DDX60L: variants seen among roughly 807,000 people sequenced by gnomAD.
DDX60L encodes the protein probable ATP-dependent RNA helicase DDX60-like.
A neutral mutation model predicts 211.6 loss-of-function variants in DDX60L; 191 were observed. That is an observed-to-expected ratio of 0.90 (90% CI 0.80 to 1.02). The LOEUF is 1.02. Among genes scored for constraint, DDX60L ranks in the 50% least tolerant of loss-of-function variants. The pLI is 0.00. For missense variants in DDX60L, 2,007 were observed against 1,984.1 expected, an observed-to-expected ratio of 1.01 and a Z score of -0.22; for synonymous variants, 706 against 694.1, an observed-to-expected ratio of 1.02 and a Z score of -0.27.
intron 29 of DDX60L, among the ~76,000 whole-genome samples, chr4:168,387,083 C>T (rs992151107): frequency 6.6e-6 from 1 of 152,138 alleles, no homozygotes; most frequent in Non-Finnish European, 1.5e-5. Context: ...ACCAGGAGGA[C>T]TGTTAAAGTA....
Position 168,361,218 on chromosome 4 carries a change from A to G in DDX60L, c.4929-7T>C, listed in dbSNP as rs780098420. On this transcript the variant is annotated splice_region_variant and splice_polypyrimidine_tract_variant and intron_variant, in intron 36 of 37. Transcript: ENST00000682922. ...AAGCTGTCCCATACGCATCCTAAAG[A>G]GAACAACATTTCTTAATTAAAAAGT... The G allele has an allele frequency of 5.8e-6, 9 of 1,558,508 alleles. No individual in the cohort carries two copies. Among genetic ancestry groups the G allele is most frequent in the South Asian group, 1.1e-5 (1 of 87,524 alleles).
intron 36 of DDX60L, among the ~76,000 whole-genome samples, chr4:168,362,368 T>C (rs1473568938): frequency 6.6e-6 from 1 of 152,130 alleles, no homozygotes; most frequent in Admixed American, 6.5e-5. Context: ...CCAGCCCACA[T>C]ATGCCTGCAC....
intron 8 of DDX60L, among the ~76,000 whole-genome samples, chr4:168,449,889 A>C (rs1755566805): frequency 6.6e-6 from 1 of 151,772 alleles, no homozygotes; most frequent in Non-Finnish European, 1.5e-5. Context: ...AAACGGTGAA[A>C]GAGATCTGAC....
At chr4:168,478,611 A>G (rs12506057) in intron 1 of DDX60L, among the ~76,000 whole-genome samples, 43,981 of 152,134 alleles carry the variant, frequency 0.29, 7,656 homozygotes, top group East Asian at 0.57. Flanking sequence ...TTCCACCCAC[A>G]TCAACATAGC....
chr4:168,371,274 C>G (rs1000974779), intron 36 of DDX60L, among the ~76,000 whole-genome samples: 4 of 149,930 alleles, frequency 2.7e-5, no homozygotes, highest in Non-Finnish European at 5.9e-5. Flanking sequence ...GTAATATATC[C>G]AAATTTTCTG....
chr4:168,443,362 A>T (rs1258479305), intron 9 of DDX60L, among the ~76,000 whole-genome samples: 2 of 152,072 alleles, frequency 1.3e-5, no homozygotes, highest in Non-Finnish European at 1.5e-5. Flanking sequence ...AGCCTCCAAG[A>T]TATATGGGAC....
Position 168,404,012 on chromosome 4 carries a change from T to C in DDX60L, c.3308A>G (p.Gln1103Arg). The C allele has an allele frequency of 6.7e-7, 1 of 1,494,968 alleles. No individual in the cohort carries two copies. Among genetic ancestry groups the C allele is most frequent in the Admixed American group, 2.0e-5 (1 of 48,932 alleles). The allele number at this position is 1,494,968 out of a possible 1,614,324, so 92.6% of individuals were successfully genotyped here. A position where few individuals can be genotyped will look rare whatever the true frequency, so the allele number is the denominator to read the frequency against. The change falls in exon 25 of 38, where the codon CAA (glutamine) becomes CGA (arginine). Residue 1103 changes from glutamine to arginine, a missense_variant. Gln to Arg is a conservative substitution (Grantham distance 43, BLOSUM62 1). Transcript: ENST00000682922. ...MFPLLVEKLRQMDKLPAIFFL... is the reference protein window; with the variant it reads ...MFPLLVEKLRRMDKLPAIFFL... ...AAATATTGCAGGCAACTTATCCATT[T>C]GTCTTAACTTTTCAACAAGAAGAGG...
chr4:168,441,434 A>C lies in DDX60L; in HGVS notation c.1197T>G (p.Val399=). The change falls in exon 10 of 38, where the codon GTT becomes GTG. Residue 399 remains valine (V), a synonymous_variant. Coordinates refer to ENST00000682922, the MANE Select transcript of DDX60L (RefSeq NM_001012967.3). ...TAAATTCTTTAACCAGGTGTGACAC[A>C]ACATTCCACAGGTCTTCATAATCCC... The part of the protein sequence containing the change: ...IRRDYEDLWN[V]VSHLVKEFNV... 2 of 1,613,220 alleles carry C rather than the reference A, an allele frequency of 1.2e-6. No individual in the cohort carries two copies. Among genetic ancestry groups the C allele is most frequent in the Non-Finnish European group, 1.7e-6 (2 of 1,179,564 alleles).
intron 10 of DDX60L, among the ~76,000 whole-genome samples, chr4:168,433,810 T>C (rs1752678745): frequency 6.6e-6 from 1 of 152,210 alleles, no homozygotes; most frequent in African/African-American, 2.4e-5. Context: ...AATTGTATCA[T>C]ATACAAATAT....
intron 33 of DDX60L, among the ~76,000 whole-genome samples, chr4:168,377,246 T>A (rs1396259634): frequency 1.3e-5 from 2 of 151,904 alleles, no homozygotes; most frequent in Non-Finnish European, 2.9e-5. Context: ...GAGCTGAGAT[T>A]GCGCCACTGC....
rs1343928523 is a variant in DDX60L, at chr4:168,357,712, A to C, written c.*435T>G. 6.3e-6 allele frequency: 1 copy of C among 159,178 alleles called. No individual in the cohort carries two copies. The highest frequency in any genetic ancestry group is 1.4e-5 in the Non-Finnish European group (1 of 72,846). 9.9% of individuals were successfully genotyped at this position (159,178 alleles called of 1,614,324 possible). A position where few individuals can be genotyped will look rare whatever the true frequency, so the allele number is the denominator to read the frequency against. On this transcript the variant is annotated 3_prime_UTR_variant, in exon 38 of 38. Coordinates refer to ENST00000682922, the MANE Select transcript of DDX60L (RefSeq NM_001012967.3). ...ATCTCAGAAGTCTTCTTACATAACTAAATTGTTGTTCAGAATTGATTTGGG... is the reference window on the plus strand; with the variant it reads ...ATCTCAGAAGTCTTCTTACATAACTCAATTGTTGTTCAGAATTGATTTGGG...
intron 1 of DDX60L, among the ~76,000 whole-genome samples, chr4:168,478,643 G>T (rs933621785): frequency 2.6e-5 from 4 of 152,008 alleles, no homozygotes; most frequent in African/African-American, 9.7e-5. Context: ...ATTAACATGG[G>T]TATTTTATTA....
At chr4:168,406,147 T>C in intron 23 of DDX60L, 69 bp from the exon 24 acceptor site, 2 of 1,492,814 alleles carry the variant, frequency 1.3e-6, no homozygotes, top group Non-Finnish European at 1.8e-6. Context: ...TACAATGATG[T>C]ATTTAAGTTT....
chr4:168,465,034 A>G (rs1220059269), intron 4 of DDX60L, among the ~76,000 whole-genome samples: 1 of 152,090 alleles, frequency 6.6e-6, no homozygotes, highest in African/African-American at 2.4e-5. Flanking sequence ...TTGCTGGTTC[A>G]TATAGTAATT....
intron 36 of DDX60L, among the ~76,000 whole-genome samples, chr4:168,367,227 C>T (rs911178905): frequency 6.6e-5 from 10 of 152,118 alleles, no homozygotes; most frequent in African/African-American, 1.9e-4. Context: ...CATCATGAAT[C>T]TTAACTCCCA....
Position 168,378,474 on chromosome 4 carries a change from G to A in DDX60L, c.4365C>T (p.Gly1455=). 2.6e-6 allele frequency: 4 copies of A among 1,556,412 alleles called. No homozygotes were observed. The highest frequency in any genetic ancestry group is 3.5e-6 in the Non-Finnish European group (4 of 1,149,510). The change falls in exon 33 of 38, where the codon GGC becomes GGT. Residue 1455 remains glycine, a splice_region_variant and synonymous_variant. Transcript: ENST00000682922. ...FHNLCKPAWK[G]SQQFSQDVME... is the part of the protein sequence containing the mutation. ...TCACATCTTGGGAAAATTGTTGTGA[G>A]CCTATTGAAATAAAGAGCATTATTA...
At chr4:168,473,417 G>T (rs1759066075) in intron 1 of DDX60L, among the ~76,000 whole-genome samples, 1 of 152,184 alleles carries the variant, frequency 6.6e-6, no homozygotes, top group African/African-American at 2.4e-5. Context: ...GATGATGGTG[G>T]TTTGAGCTAA....
intron 9 of DDX60L, among the ~76,000 whole-genome samples, chr4:168,443,851 C>A (rs1221501200): frequency 6.6e-6 from 1 of 150,894 alleles, no homozygotes; most frequent in African/African-American, 2.4e-5. Context: ...ACCACCAGGC[C>A]TGCCATACAA....
intron 1 of DDX60L, among the ~76,000 whole-genome samples, chr4:168,479,117 CTGGA>C (rs1561157859): frequency 1.4e-5 from 2 of 142,940 alleles, no homozygotes; most frequent in Non-Finnish European, 1.5e-5. Flanking sequence ...GGTTGGATGG[CTGGA>C]TGATGGATGG....
Sources: gnomAD v4.1 joint callset for allele counts (sites outside exome capture counted in the v4.1 genomes callset) on GRCh38, gnomAD v4.1.1 for gene constraint, MANE v1.5 for transcripts, NCBI Gene and HGNC (gene_info 2026-07-23, HGNC 2026-07-21) for gene names.